The following TRIM14 variants were observed in gnomAD, a reference collection of about 807,000 sequenced individuals.
TRIM14 encodes the protein tripartite motif containing 14.
TRIM14 carries 28 observed loss-of-function variants against 44.5 expected under a neutral mutation model. The observed-to-expected ratio is 0.63, with a 90% CI of 0.47 to 0.86. The LOEUF (loss-of-function observed/expected upper bound fraction) is 0.86. TRIM14 is among the 40% of genes least tolerant of loss of function. The pLI, the probability that TRIM14 is intolerant of heterozygous loss-of-function variation, is 0.00. For synonymous variants in TRIM14, 299 were observed against 269.2 expected, an observed-to-expected ratio of 1.11 and a Z score of -1.08; for missense variants, 607 against 611.1, an observed-to-expected ratio of 0.99 and a Z score of 0.07.
At chr9:98,117,316 A>ATTT (rs1554739738) in intron 1 of TRIM14, among the ~76,000 whole-genome samples, 8 of 151,666 alleles carry the variant, frequency 5.3e-5, no homozygotes, top group Non-Finnish European at 4.4e-5. Context: ...TTATTTATTT[A>ATTT]AGACAAAGTC....
At chr9:98,043,254 T>A in the TRIM14 span, among the ~76,000 whole-genome samples, 879 of 152,110 alleles carry the variant, frequency 5.8e-3, 6 homozygotes, top group Non-Finnish European at 8.8e-3. Flanking sequence ...ACTGGCTCAC[T>A]GCAACCTCCC....
intron 6 of TRIM14, chr9:98,076,781 G>A: frequency 1.5e-6 from 1 of 654,280 alleles, no homozygotes; most frequent in Non-Finnish European, 2.6e-6. Flanking sequence ...ACAAATCTTT[G>A]CCTGCTTTCA....
chr9:98,114,928 T>A (rs1826993053), intron 1 of TRIM14, among the ~76,000 whole-genome samples: 1 of 152,300 alleles, frequency 6.6e-6, no homozygotes, highest in African/African-American at 2.4e-5. Flanking sequence ...ACATTGCTGA[T>A]TCTTTTTATA....
At chr9:98,072,913 T>C (rs1481759948) in intron 6 of TRIM14, among the ~76,000 whole-genome samples, 1 of 152,224 alleles carries the variant, frequency 6.6e-6, no homozygotes, top group African/African-American at 2.4e-5. Context: ...GTTCTCTGTG[T>C]GCTGAGGAAA....
chr9:98,061,078 C>A, the TRIM14 span: 316,113 of 1,327,380 alleles, frequency 0.24, 44,737 homozygotes, highest in African/African-American at 0.54. Context: ...CGGCTTAGGG[C>A]CACCTCCAGC....
chr9:98,072,030 C>T lies in TRIM14; in HGVS notation c.*29-2343G>A, dbSNP rs557753421. Among the ~76,000 whole-genome samples, 8 of 152,322 alleles carry T rather than the reference C, an allele frequency of 5.3e-5. No homozygotes were observed. In the East Asian group the frequency reaches 1.4e-3, roughly 26 times the overall value. Reference sequence around the variant, plus strand: ...GCTTCCTCCTTGGTTTTCCTTCCCTCTGCTCCCCAGGCAGCCCATTTGCTT... The same window carrying T: ...GCTTCCTCCTTGGTTTTCCTTCCCTTTGCTCCCCAGGCAGCCCATTTGCTT... On this transcript the variant is annotated intron_variant, in intron 6 of 6. Coordinates refer to the TRIM14 transcript ENST00000375098.
At chr9:98,096,974 A>G (rs1288268275) in intron 3 of TRIM14, among the ~76,000 whole-genome samples, 1 of 152,204 alleles carries the variant, frequency 6.6e-6, no homozygotes, top group Non-Finnish European at 1.5e-5. Context: ...TGGGCAGATC[A>G]CTTGAGGTCA....
intron 6 of TRIM14, chr9:98,074,998 GGAGT>G (rs1829519378): frequency 6.6e-6 from 1 of 152,138 alleles, no homozygotes; most frequent in African/African-American, 2.4e-5. Context: ...CAAACAGGAA[GGAGT>G]GAGGTGGAAA....
intron 2 of TRIM14, among the ~76,000 whole-genome samples, chr9:98,109,655 G>A (rs1423419242): frequency 2.0e-5 from 3 of 152,238 alleles, no homozygotes; most frequent in Non-Finnish European, 4.4e-5. Flanking sequence ...CAAAGCAAAG[G>A]AAACCGGAGC....
rs1825847344 is a variant in TRIM14, at chr9:98,087,885, A to T, written c.914T>A (p.Phe305Tyr). Reference sequence around the variant, plus strand: ...AGCCAGCACTTGCCAGAGCGCGTCGAACCGCAGCACGGGCACGGGCCCCAG... The same window carrying T: ...AGCCAGCACTTGCCAGAGCGCGTCGTACCGCAGCACGGGCACGGGCCCCAG... The part of the protein sequence containing the change: ...GSLGPVPVLR[F>Y]DALWQVLARD... The change falls in exon 6 of 6, where the codon TTC becomes TAC. Residue 305 changes from phenylalanine to tyrosine, a missense_variant. Phe to Tyr is a conservative substitution (Grantham distance 22). Around this residue, in one of 3 missense-constraint regions of TRIM14, gnomAD observed 356 missense variants for 323.0 expected, o/e 1.10. Coordinates refer to ENST00000341469, the MANE Select transcript of TRIM14 (RefSeq NM_014788.4). The T allele has an allele frequency of 1.9e-6, 3 of 1,569,564 alleles. No individual in the cohort carries two copies. The highest frequency in any genetic ancestry group is 2.6e-6 in the Non-Finnish European group (3 of 1,168,044).
At chr9:98,045,687 T>G in the TRIM14 span, among the ~76,000 whole-genome samples, 1 of 152,168 alleles carries the variant, frequency 6.6e-6, no homozygotes, top group East Asian at 1.9e-4. Flanking sequence ...TTAAATTTAA[T>G]TCAGCTGAAG....
the TRIM14 span, among the ~76,000 whole-genome samples, chr9:98,046,212 A>T: frequency 6.6e-6 from 1 of 152,138 alleles, no homozygotes; most frequent in Non-Finnish European, 1.5e-5. Flanking sequence ...CTAGGTAAAA[A>T]TTTGATACTT....
chr9:98,065,706 C>T (rs1052111097), downstream of TRIM14, among the ~76,000 whole-genome samples: 5 of 151,370 alleles, frequency 3.3e-5, no homozygotes, highest in African/African-American at 1.2e-4. Flanking sequence ...GAAATCTCAA[C>T]TTGAATTTTA....
downstream of TRIM14, among the ~76,000 whole-genome samples, chr9:98,067,887 A>G (rs1380496925): frequency 1.3e-5 from 2 of 151,952 alleles, no homozygotes; most frequent in South Asian, 4.2e-4. Flanking sequence ...AGACTCAGCT[A>G]ATTTTTGTAT....
chr9:98,087,483 G>A lies in TRIM14; in HGVS notation c.1316C>T (p.Pro439Leu). 1 of 1,603,464 alleles carries A rather than the reference G, an allele frequency of 6.2e-7. No homozygotes were observed. Among genetic ancestry groups the A allele is most frequent in the Non-Finnish European group, 8.5e-7 (1 of 1,174,426 alleles). The part of the protein sequence containing the change: ...LRLWEGAISI[P>L]RLP ...CGGTCCTGGCCCCTAGGGCAGCCGG[G>A]GGATGCTGATGGCCCCCTCCCAGAG... The change falls in exon 6 of 6, where the codon CCC (proline) becomes CTC (leucine). Residue 439 changes from proline (P) to leucine (L), a missense_variant. Physicochemically the swap from Pro to Leu is moderately conservative, Grantham distance 98. Around this residue, in one of 3 missense-constraint regions of TRIM14, gnomAD observed 356 missense variants for 323.0 expected, o/e 1.10. Transcript: ENST00000341469.
the TRIM14 span, among the ~76,000 whole-genome samples, chr9:98,037,924 C>G: frequency 6.6e-6 from 1 of 152,152 alleles, no homozygotes; most frequent in Non-Finnish European, 1.5e-5. Context: ...GAGATGGGAT[C>G]TCATAATGTT....
chr9:98,038,945 G>T, the TRIM14 span, among the ~76,000 whole-genome samples: 2 of 152,118 alleles, frequency 1.3e-5, no homozygotes, highest in African/African-American at 4.8e-5. Context: ...AGCTACTGGG[G>T]AGGCTGAGGC....
chr9:98,086,106 G>C lies in TRIM14; in HGVS notation c.*1364C>G, dbSNP rs1323864117. Reference sequence around the variant, plus strand: ...CTCTGGGTTTCCTTGGCAACATCTGGATCTAAGGGTGCTCTTACCCTTTTT... The same window carrying C: ...CTCTGGGTTTCCTTGGCAACATCTGCATCTAAGGGTGCTCTTACCCTTTTT... On this transcript the variant is annotated 3_prime_UTR_variant, in exon 6 of 6. Coordinates refer to ENST00000341469, the MANE Select transcript of TRIM14 (RefSeq NM_014788.4). 1 of 152,218 alleles carries C rather than the reference G, an allele frequency of 6.6e-6. No individual in the cohort carries two copies. Among genetic ancestry groups the C allele is most frequent in the Non-Finnish European group, 1.5e-5 (1 of 68,060 alleles). The allele number at this position is 152,218 out of a possible 1,614,324, so 9.4% of individuals were successfully genotyped here.
chr9:98,083,933 T>TA (rs1462799726), downstream of TRIM14, among the ~76,000 whole-genome samples: 6 of 152,210 alleles, frequency 3.9e-5, no homozygotes, highest in African/African-American at 1.2e-4. Flanking sequence ...AGAACTTTAA[T>TA]GAGTTATCTT....
Sources: gnomAD v4.1 joint callset for allele counts (sites outside exome capture counted in the v4.1 genomes callset) on GRCh38, gnomAD v4.1.1 for gene constraint, gnomAD v4.1.1 regional missense constraint, MANE v1.5 for transcripts, NCBI Gene and HGNC (gene_info 2026-07-23, HGNC 2026-07-21) for gene names.